The following ERBB4 variants were observed in gnomAD, a reference collection of about 807,000 sequenced individuals.
The protein encoded by ERBB4 is erb-b2 receptor tyrosine kinase 4, also known as receptor tyrosine-protein kinase erbB-4.
In ERBB4, 42 loss-of-function variants were observed where a neutral mutation model predicts 158.0. The ratio of observed to expected loss-of-function variants is 0.27; its 90% CI spans 0.21 to 0.34. The LOEUF (loss-of-function observed/expected upper bound fraction) is 0.34. Among genes scored for constraint, ERBB4 ranks in the 10% least tolerant of loss-of-function variants. ERBB4 has a pLI of 1.00. For synonymous variants in ERBB4, 583 were observed against 558.7 expected, an observed-to-expected ratio of 1.04 and a Z score of -0.61; for missense variants, 1,333 against 1,624.1, an observed-to-expected ratio of 0.82 and a Z score of 3.08.
intron 3 of ERBB4, among the ~76,000 whole-genome samples, chr2:211,812,917 G>A (rs553371453): frequency 2.0e-4 from 31 of 152,322 alleles, no homozygotes; most frequent in African/African-American, 3.8e-4. Flanking sequence ...GTATTTGGGC[G>A]GGAGTGTCCC....
intron 1 of ERBB4, among the ~76,000 whole-genome samples, chr2:212,351,704 G>A (rs1221316081): frequency 1.3e-5 from 2 of 152,156 alleles, no homozygotes; most frequent in Non-Finnish European, 2.9e-5. Context: ...CTATTGGCAA[G>A]AAGGTAGTCA....
intron 1 of ERBB4, among the ~76,000 whole-genome samples, chr2:212,385,234 T>C (rs2090636725): frequency 6.6e-6 from 1 of 151,790 alleles, no homozygotes; most frequent in East Asian, 1.9e-4. Context: ...TGAATAAATA[T>C]ATTATACCTG....
intron 4 of ERBB4, among the ~76,000 whole-genome samples, chr2:211,783,983 T>A (rs2076097763): frequency 6.6e-6 from 1 of 152,216 alleles, no homozygotes; most frequent in Non-Finnish European, 1.5e-5. Flanking sequence ...AATTAGACTG[T>A]GAATCCATCT....
At chr2:211,405,727 A>G (rs2063133041) in intron 25 of ERBB4, among the ~76,000 whole-genome samples, 1 of 152,150 alleles carries the variant, frequency 6.6e-6, no homozygotes, top group East Asian at 1.9e-4. Flanking sequence ...ATTTCTCTCA[A>G]AAAGGATAGT....
chr2:211,435,884 TTC>T (rs1224606896), intron 20 of ERBB4, among the ~76,000 whole-genome samples: 1 of 152,202 alleles, frequency 6.6e-6, no homozygotes, highest in Non-Finnish European at 1.5e-5. Flanking sequence ...TAAGCCTATC[TTC>T]TCTCTTAATG....
intron 1 of ERBB4, among the ~76,000 whole-genome samples, chr2:212,321,724 C>T (rs2087576014): frequency 6.7e-6 from 1 of 150,084 alleles, no homozygotes; most frequent in Admixed American, 6.7e-5. Flanking sequence ...AAAACCACAA[C>T]AAAACCTGTA....
intron 1 of ERBB4, among the ~76,000 whole-genome samples, chr2:212,452,866 C>T (rs1222868953): frequency 1.3e-5 from 2 of 152,064 alleles, no homozygotes; most frequent in East Asian, 3.8e-4. Flanking sequence ...AGACATACTA[C>T]AATTATTTCC....
chr2:212,060,535 C>T (rs570081076), intron 2 of ERBB4, among the ~76,000 whole-genome samples: 55 of 146,496 alleles, frequency 3.8e-4, no homozygotes, highest in African/African-American at 1.0e-3. Flanking sequence ...GCACTATTCA[C>T]AATAGCAAAG....
intron 1 of ERBB4, among the ~76,000 whole-genome samples, chr2:212,256,183 T>C (rs1021713210): frequency 1.3e-5 from 2 of 152,178 alleles, no homozygotes; most frequent in South Asian, 2.1e-4. Context: ...AAAGACACCA[T>C]TGATTTTTGC....
At chr2:212,475,193 G>T (rs936583459) in intron 1 of ERBB4, among the ~76,000 whole-genome samples, 1 of 152,056 alleles carries the variant, frequency 6.6e-6, no homozygotes, top group Non-Finnish European at 1.5e-5. Flanking sequence ...CAGCTTTATA[G>T]ACAGGCAACC....
At chr2:212,148,112 C>T (rs1198549336) in intron 1 of ERBB4, among the ~76,000 whole-genome samples, 1 of 150,806 alleles carries the variant, frequency 6.6e-6, no homozygotes, top group Non-Finnish European at 1.5e-5. Context: ...CCATTCATCA[C>T]CAGGGGGCAG....
chr2:211,716,839 G>A (rs955903996), intron 7 of ERBB4, among the ~76,000 whole-genome samples: 1 of 152,162 alleles, frequency 6.6e-6, no homozygotes, highest in African/African-American at 2.4e-5. Flanking sequence ...AAATACTGAA[G>A]TGCTTTAAAT....
chr2:211,778,673 C>A (rs1476961760), intron 4 of ERBB4: 1 of 152,206 alleles, frequency 6.6e-6, no homozygotes. Context: ...GGAAACCTAG[C>A]ACATGCAGGA....
chr2:212,235,402 G>A (rs761001519), intron 1 of ERBB4, among the ~76,000 whole-genome samples: 1 of 152,148 alleles, frequency 6.6e-6, no homozygotes, highest in Non-Finnish European at 1.5e-5. Flanking sequence ...CTTGAAGTCA[G>A]GTAGCATGAT....
chr2:211,804,828 T>A (rs1486957116), intron 3 of ERBB4, among the ~76,000 whole-genome samples: 1 of 152,158 alleles, frequency 6.6e-6, no homozygotes, highest in Non-Finnish European at 1.5e-5. Flanking sequence ...TAGAGGAACA[T>A]GGTTAGAGTG....
At chr2:212,489,779 A>ATTTT (rs139449666) in intron 1 of ERBB4, among the ~76,000 whole-genome samples, 4,878 of 151,678 alleles carry the variant, frequency 0.032, 265 homozygotes, top group African/African-American at 0.11. Flanking sequence ...CACATGCTGT[A>ATTTT]TTTAATTCAC....
intron 2 of ERBB4, among the ~76,000 whole-genome samples, chr2:211,999,161 A>T (rs1170210371): frequency 4.0e-5 from 6 of 151,808 alleles, no homozygotes; most frequent in Admixed American, 1.3e-4. Flanking sequence ...TAAATAGGAA[A>T]ATTAGTTTTC....
At chr2:211,866,632 T>C (rs1376971146) in intron 3 of ERBB4, among the ~76,000 whole-genome samples, 8 of 152,286 alleles carry the variant, frequency 5.3e-5, no homozygotes, top group African/African-American at 1.9e-4. Context: ...TAAATGAAGA[T>C]TTTAATAAAC....
At chr2:212,219,781 AATTC>A in intron 1 of ERBB4, among the ~76,000 whole-genome samples, 1 of 151,442 alleles carries the variant, frequency 6.6e-6, no homozygotes, top group Non-Finnish European at 1.5e-5. Context: ...TGCATGGCCA[AATTC>A]ATAACACAAA....
Sources: gnomAD v4.1 joint callset for allele counts (sites outside exome capture counted in the v4.1 genomes callset) on GRCh38, gnomAD v4.1.1 for gene constraint, MANE v1.5 for transcripts, NCBI Gene and HGNC (gene_info 2026-07-23, HGNC 2026-07-21) for gene names.